The following DGKB variants were observed in gnomAD, a reference collection of about 807,000 sequenced individuals.
DGKB encodes the protein diacylglycerol kinase beta, also known as 90 kDa diacylglycerol kinase.
A neutral mutation model predicts 114.3 loss-of-function variants in DGKB; 67 were observed. The ratio of observed to expected loss-of-function variants is 0.59; its 90% CI spans 0.48 to 0.72. The LOEUF is 0.72. Among genes scored for constraint, DGKB ranks in the 30% least tolerant of loss-of-function variants. The probability of loss-of-function intolerance (pLI) is 0.00; values close to 1 mark genes in which losing one functional copy is unlikely to be tolerated. For missense variants in DGKB, 907 were observed against 975.2 expected (o/e 0.93, Z 0.93); for synonymous variants, 398 against 323.1 (o/e 1.23, Z -2.49).
At chr7:14,931,805 G>A (rs778878514) in intron 1 of DGKB, among the ~76,000 whole-genome samples, 4 of 152,068 alleles carry the variant, frequency 2.6e-5, no homozygotes, top group Non-Finnish European at 5.9e-5. Context: ...CTAAGCCTCA[G>A]GAGCAACTCT....
At chr7:14,236,103 A>G (rs1279768279) in intron 23 of DGKB, among the ~76,000 whole-genome samples, 1 of 152,218 alleles carries the variant, frequency 6.6e-6, no homozygotes, top group Non-Finnish European at 1.5e-5. Context: ...ATTGCAAATT[A>G]AGAAAAAAAT....
rs144947513 is a variant in DGKB at position 14,290,214 on chromosome 7, T to G, written c.2122+48301A>C. The stretch of plus-strand genomic sequence containing the variant: ...TCAGAGTTTCAATGGATTTAAGACC[T>G]AGAAAGAGATCTGGAAAACAAAAGA... On this transcript the variant is annotated intron_variant, in intron 23 of 25. Transcript: ENST00000402815. Among the ~76,000 whole-genome samples the G allele has an allele frequency of 6.0e-3, 916 of 152,284 alleles. 12 individuals carry two copies. The highest frequency in any genetic ancestry group is 0.021 in the African/African-American group (881 of 41,568).
intron 13 of DGKB, among the ~76,000 whole-genome samples, chr7:14,654,069 C>T (rs1815245022): frequency 6.6e-6 from 1 of 151,936 alleles, no homozygotes; most frequent in Non-Finnish European, 1.5e-5. Flanking sequence ...AAAGGGCATC[C>T]AAATTGGAAA....
At chr7:14,759,729 C>T (rs116462019) in intron 2 of DGKB, among the ~76,000 whole-genome samples, 50 of 152,188 alleles carry the variant, frequency 3.3e-4, no homozygotes, top group African/African-American at 1.2e-3. Context: ...CAAGTGTACA[C>T]GTTTTTGTAT....
chr7:14,699,042 AGAG>A (rs1824626072), intron 7 of DGKB, among the ~76,000 whole-genome samples: 1 of 152,094 alleles, frequency 6.6e-6, no homozygotes, highest in African/African-American at 2.4e-5. Context: ...TTCATGGAAT[AGAG>A]AAGAAATACG....
chr7:14,352,038 G>C (rs1813539902), intron 21 of DGKB, among the ~76,000 whole-genome samples: 1 of 152,088 alleles, frequency 6.6e-6, no homozygotes, highest in South Asian at 2.1e-4. Context: ...AACAGGTAGA[G>C]ATATAAATTT....
intron 23 of DGKB, among the ~76,000 whole-genome samples, chr7:14,245,445 G>A (rs934318334): frequency 1.6e-4 from 25 of 152,024 alleles, no homozygotes; most frequent in African/African-American, 5.1e-4. Flanking sequence ...GGTAAGCATC[G>A]GAAAAGGGAT....
intron 13 of DGKB, among the ~76,000 whole-genome samples, chr7:14,652,291 C>T (rs932313347): frequency 7.9e-5 from 12 of 152,068 alleles, no homozygotes; most frequent in African/African-American, 2.9e-4. Context: ...GGTACTGGTA[C>T]CAAAACAGAG....
chr7:14,907,434 G>T (rs1237626139), upstream of DGKB, among the ~76,000 whole-genome samples: 1 of 152,184 alleles, frequency 6.6e-6, no homozygotes, highest in East Asian at 1.9e-4. Context: ...CCTATGAAAT[G>T]AGGATGCCAT....
At chr7:14,226,393 C>G (rs910196869) in intron 23 of DGKB, among the ~76,000 whole-genome samples, 1 of 151,852 alleles carries the variant, frequency 6.6e-6, no homozygotes, top group African/African-American at 2.4e-5. Context: ...CCTTCTGACT[C>G]TAAGACTTTT....
chr7:14,516,209 T>C (rs530317450), intron 20 of DGKB, among the ~76,000 whole-genome samples: 12 of 152,270 alleles, frequency 7.9e-5, no homozygotes, highest in Non-Finnish European at 1.5e-4. Context: ...ATTACTCTAG[T>C]TATGAGTAAT....
At chr7:14,295,031 CT>C (rs964786247) in intron 23 of DGKB, among the ~76,000 whole-genome samples, 5 of 152,148 alleles carry the variant, frequency 3.3e-5, no homozygotes, top group Non-Finnish European at 7.4e-5. Flanking sequence ...TATCAAACTT[CT>C]TCCTTTGTTG....
chr7:14,918,887 C>A (rs1013991272), intron 1 of DGKB, among the ~76,000 whole-genome samples: 4 of 151,926 alleles, frequency 2.6e-5, no homozygotes, highest in African/African-American at 9.7e-5. Flanking sequence ...CACGGTGAAA[C>A]CCCGCCTCTA....
At chr7:14,401,013 C>T (rs1823025257) in intron 21 of DGKB, among the ~76,000 whole-genome samples, 2 of 151,818 alleles carry the variant, frequency 1.3e-5, no homozygotes, top group Admixed American at 1.3e-4. Flanking sequence ...AAAATCACCA[C>T]CAAATATGTC....
intron 23 of DGKB, among the ~76,000 whole-genome samples, chr7:14,227,801 C>T (rs1791059329): frequency 6.6e-6 from 1 of 151,954 alleles, no homozygotes. Context: ...TGAGAGGGCA[C>T]TTAAGATGTG....
At chr7:14,520,845 A>G (rs1356176817) in intron 20 of DGKB, among the ~76,000 whole-genome samples, 1 of 152,046 alleles carries the variant, frequency 6.6e-6, no homozygotes, top group Non-Finnish European at 1.5e-5. Flanking sequence ...CAGCAATGGA[A>G]TATTTGTCAT....
chr7:14,810,374 G>C (rs1156242845), intron 2 of DGKB, among the ~76,000 whole-genome samples: 3 of 149,988 alleles, frequency 2.0e-5, no homozygotes, highest in East Asian at 4.1e-4. Flanking sequence ...GCCATGTTTA[G>C]ACTACAACAT....
chr7:14,615,115 A>C (rs1806279536), intron 15 of DGKB, among the ~76,000 whole-genome samples: 1 of 152,082 alleles, frequency 6.6e-6, no homozygotes, highest in African/African-American at 2.4e-5. Context: ...AATAGCAATA[A>C]TAAATAGATG....
intron 1 of DGKB, among the ~76,000 whole-genome samples, chr7:14,845,654 A>T (rs1358667225): frequency 1.8e-5 from 1 of 55,996 alleles, no homozygotes; most frequent in Non-Finnish European, 3.3e-5. Context: ...TTCTTGAATG[A>T]ATTCACTTAT....
Sources: allele counts gnomAD v4.1 joint callset (sites outside exome capture counted in the v4.1 genomes callset), GRCh38; gene constraint gnomAD v4.1.1; transcripts MANE v1.5; gene names NCBI Gene and HGNC (gene_info 2026-07-23, HGNC 2026-07-21).